The following TPM2 variants were observed in gnomAD, a reference collection of about 807,000 sequenced individuals.
TPM2 encodes the protein tropomyosin beta chain.
A neutral mutation model predicts 41.0 loss-of-function variants in TPM2; 26 were observed. The ratio of observed to expected loss-of-function variants is 0.63; its 90% CI spans 0.46 to 0.88. The LOEUF (loss-of-function observed/expected upper bound fraction) is 0.88, where lower values mean the gene tolerates loss of function less well. Among genes scored for constraint, TPM2 ranks in the 40% least tolerant of loss-of-function variants. The probability of loss-of-function intolerance (pLI) is 0.00; values close to 1 mark genes in which losing one functional copy is unlikely to be tolerated. For synonymous variants in TPM2, 143 were observed against 139.3 expected (o/e 1.03, Z -0.19); for missense variants, 187 against 355.2 (o/e 0.53, Z 3.81).
rs1563932480 is a variant in TPM2 at position 35,689,767 on chromosome 9, GT to G, written c.50del (p.Asn17ThrfsTer34). ...CGGCCTGCTCGGCGCGGTCGATGGC[GT>G]TCTCCTTGTCCAGCTTCAGCATCTG... is the stretch of plus-strand genomic sequence containing the variant. Reference protein sequence around the residue: ...KMQMLKLDKENAIDRAEQAEA... With the variant: ...KMQMLKLDKEXAIDRAEQAEA... On this transcript the variant is annotated frameshift_variant, in exon 1 of 9. Transcript: ENST00000645482. LOFTEE classifies it high-confidence loss of function. The G allele has an allele frequency of 6.2e-7, 1 of 1,613,808 alleles. No individual in the cohort carries two copies. The highest frequency in any genetic ancestry group is 8.5e-7 in the Non-Finnish European group (1 of 1,179,746).
chr9:35,689,221 A>G lies in TPM2; in HGVS notation c.165T>C (p.Asp55=). Residue 55 remains aspartate (D), a synonymous_variant, in exon 2 of 9, where the codon GAT becomes GAC. Transcript: ENST00000645482. ...CGGATTCAGAATACTTTTCCACCTC[A>G]TCCTCTGTCCCCTTCAGCTTCTTCT... ...ALQKKLKGTE[D]EVEKYSESVK... is the part of the protein sequence containing the mutation. The G allele has an allele frequency of 1.2e-6, 2 of 1,613,832 alleles. No homozygotes were observed. Among genetic ancestry groups the G allele is most frequent in the Non-Finnish European group, 1.7e-6 (2 of 1,179,894 alleles).
downstream of TPM2, chr9:35,682,856 A>G: frequency 7.0e-7 from 1 of 1,435,932 alleles, no homozygotes; most frequent in Non-Finnish European, 9.3e-7. Flanking sequence ...AGTAAGTGCC[A>G]GGGTGTCAGG....
Position 35,685,532 on chromosome 9 carries a change from T to C in TPM2, c.394A>G (p.Asn132Asp). 1 of 1,614,184 alleles carries C rather than the reference T, an allele frequency of 6.2e-7. No homozygotes were observed. The highest frequency in any genetic ancestry group is 8.5e-7 in the Non-Finnish European group (1 of 1,180,020). Reference protein sequence around the residue: ...ESERGMKVIENRAMKDEEKME... With the variant: ...ESERGMKVIEDRAMKDEEKME... ...TTCTCCTCATCCTTCATGGCCCGGT[T>C]TTCGATGACCTTCATTCCTCTGAAA... The change falls in exon 4 of 9, where the codon AAC becomes GAC. Residue 132 changes from asparagine (N) to aspartate (D), a missense_variant. Coordinates refer to ENST00000645482, the MANE Select transcript of TPM2 (RefSeq NM_003289.4). This position sits in a 1 kb window ranked among gnomAD's most constrained non-coding sequence, Gnocchi z 5.0.
Position 35,684,327 on chromosome 9 carries a change from G to A in TPM2, c.703-12C>T. Reference sequence around the variant, plus strand: ...GCTCGGGTCTCAGCCTGGGGGTAAAGGCAGGATGGGAGAAATGGCAAAGAA... The same window carrying A: ...GCTCGGGTCTCAGCCTGGGGGTAAAAGCAGGATGGGAGAAATGGCAAAGAA... On this transcript the variant is annotated splice_polypyrimidine_tract_variant and intron_variant, in intron 7 of 8. Transcript: ENST00000645482. 6.2e-7 allele frequency: 1 copy of A among 1,614,130 alleles called. No individual in the cohort carries two copies. The highest frequency in any genetic ancestry group is 8.5e-7 in the Non-Finnish European group (1 of 1,180,016).
chr9:35,685,236 A>T lies in TPM2; in HGVS notation c.563+33T>A. ...CACTGTGTGGAAGGCCCCAGGGCCA[A>T]TGGGCTCACTTGTCACCCCCGGGTA... On this transcript the variant is annotated intron_variant, in intron 5 of 8. Transcript: ENST00000645482. This position sits in a 1 kb window ranked among gnomAD's most constrained non-coding sequence, Gnocchi z 5.0. 6.2e-7 allele frequency: 1 copy of T among 1,614,164 alleles called. No individual in the cohort carries two copies. Among genetic ancestry groups the T allele is most frequent in the Non-Finnish European group, 8.5e-7 (1 of 1,180,026 alleles).
At position 35,685,634 on chromosome 9, in the gene TPM2, G is replaced by A. The variant is rs763063209; in HGVS notation, c.374+13C>T. ...CTCCCTCCCGGACCATCCTCCCCGA[G>A]GCCCCTGACCACCTCTCGCTCTCAT... On this transcript the variant is annotated intron_variant, in intron 3 of 8. Transcript: ENST00000645482. The surrounding 1 kb of genome is among the most constrained non-coding windows in gnomAD (Gnocchi z 5.0). The A allele has an allele frequency of 1.2e-6, 2 of 1,614,110 alleles. No individual in the cohort carries two copies. The highest frequency in any genetic ancestry group is 1.7e-5 in the Admixed American group (1 of 60,014).
chr9:35,683,002 A>G lies in TPM2; in HGVS notation c.*157T>C. The G allele has an allele frequency of 6.5e-7, 1 of 1,539,966 alleles. No individual in the cohort carries two copies. The highest frequency in any genetic ancestry group is 8.8e-7 in the Non-Finnish European group (1 of 1,140,574). ...AGGTAAAGGATGAAGCCAGTGCCAG[A>G]GTGGGTGGTGGGCATGATGGGGGCT... On this transcript the variant is annotated 3_prime_UTR_variant, in exon 9 of 9. Coordinates refer to ENST00000645482, the MANE Select transcript of TPM2 (RefSeq NM_003289.4).
intron 1 of TPM2, 129 bp from the exon 2 acceptor site, chr9:35,689,400 ACAG>A: frequency 6.7e-7 from 1 of 1,495,230 alleles, no homozygotes; most frequent in Non-Finnish European, 8.9e-7. Context: ...CATAAAAGGG[ACAG>A]TACAGTCAAG....
At chr9:35,682,895 G>A (rs1325300729), downstream of TPM2, 1 of 1,484,836 alleles carries the variant, frequency 6.7e-7, no homozygotes, top group African/African-American at 1.4e-5. Flanking sequence ...GGTGGCGATA[G>A]AGGTGCTCTC....
downstream of TPM2, chr9:35,682,501 C>T: frequency 7.8e-7 from 1 of 1,278,434 alleles, no homozygotes; most frequent in South Asian, 1.5e-5. Context: ...GCCAGACAGA[C>T]AGACTTGAGG....
rs1298809379 is a variant in TPM2, at chr9:35,683,004, TG to T, written c.*154del. On this transcript the variant is annotated 3_prime_UTR_variant, in exon 9 of 9. Coordinates refer to ENST00000645482, the MANE Select transcript of TPM2 (RefSeq NM_003289.4). Reference sequence around the variant, plus strand: ...GTAAAGGATGAAGCCAGTGCCAGAGTGGGTGGTGGGCATGATGGGGGCTCTC... The same window carrying T: ...GTAAAGGATGAAGCCAGTGCCAGAGTGGTGGTGGGCATGATGGGGGCTCTC... The T allele has an allele frequency of 3.8e-5, 59 of 1,537,516 alleles. No homozygotes were observed. The highest frequency in any genetic ancestry group is 4.8e-5 in the Non-Finnish European group (55 of 1,139,408).
rs747889730 is a variant in TPM2 at position 35,689,135 on chromosome 9, T to A, written c.240+11A>T. 4 of 1,614,028 alleles carry A rather than the reference T, an allele frequency of 2.5e-6. No individual in the cohort carries two copies. Among genetic ancestry groups the A allele is most frequent in the Non-Finnish European group, 3.4e-6 (4 of 1,180,002 alleles). On this transcript the variant is annotated intron_variant, in intron 2 of 8. Coordinates refer to ENST00000645482, the MANE Select transcript of TPM2 (RefSeq NM_003289.4). ...CTAACTCCTCCCATTGTCCCCCAAG[T>A]CCACACTCACATCAGTGGCCTTCTT...
chr9:35,685,536 G>C lies in TPM2; in HGVS notation c.390C>G (p.Ile130Met), dbSNP rs1260827428. The C allele has an allele frequency of 6.2e-7, 1 of 1,614,006 alleles. No homozygotes were observed. Among genetic ancestry groups the C allele is most frequent in the Admixed American group, 1.7e-5 (1 of 59,998 alleles). ...ADESERGMKVIENRAMKDEEK... is the reference protein window; with the variant it reads ...ADESERGMKVMENRAMKDEEK... ...CCTCATCCTTCATGGCCCGGTTTTC[G>C]ATGACCTTCATTCCTCTGAAAGGCA... The change falls in exon 4 of 9, where the codon ATC becomes ATG. Residue 130 changes from isoleucine to methionine, a missense_variant. Physicochemically the swap from Ile to Met is conservative, Grantham distance 10. Transcript: ENST00000645482. This position sits in a 1 kb window ranked among gnomAD's most constrained non-coding sequence, Gnocchi z 5.0.
rs756328776 is a variant in TPM2 at position 35,683,249 on chromosome 9, G to GC, written c.773-9_773-8insG. ...TCTGGGCATAGACTTCATCTGGGGG[G>GC]GGTCCAGGGAGGGGACCAGGTGGGA... On this transcript the variant is annotated splice_polypyrimidine_tract_variant and intron_variant, in intron 8 of 8. Transcript: ENST00000645482. 20 of 1,552,500 alleles carry GC rather than the reference G, an allele frequency of 1.3e-5. 1 individual carries two copies. In the East Asian group the frequency reaches 2.7e-4, roughly 21 times the overall value.
rs1824825707 is a variant in TPM2 at position 35,685,193 on chromosome 9, C to A, written c.563+76G>T. ...CAGGGCCTGTCCCTACAGCCCCAAG[C>A]CTAGGATGCTACCTTCCCACTGTGT... On this transcript the variant is annotated intron_variant, in intron 5 of 8. Transcript: ENST00000645482. The surrounding 1 kb of genome is among the most constrained non-coding windows in gnomAD (Gnocchi z 5.0). 1 of 1,614,118 alleles carries A rather than the reference C, an allele frequency of 6.2e-7. No homozygotes were observed. Among genetic ancestry groups the A allele is most frequent in the Non-Finnish European group, 8.5e-7 (1 of 1,180,008 alleles).
chr9:35,685,248 G>C lies in TPM2; in HGVS notation c.563+21C>G. On this transcript the variant is annotated intron_variant, in intron 5 of 8. Coordinates refer to ENST00000645482, the MANE Select transcript of TPM2 (RefSeq NM_003289.4). The surrounding 1 kb of genome is among the most constrained non-coding windows in gnomAD (Gnocchi z 5.0). Reference sequence around the variant, plus strand: ...GGCCCCAGGGCCAATGGGCTCACTTGTCACCCCCGGGTATCTTTACCTCTC... The same window carrying C: ...GGCCCCAGGGCCAATGGGCTCACTTCTCACCCCCGGGTATCTTTACCTCTC... The C allele has an allele frequency of 6.2e-7, 1 of 1,614,172 alleles. No homozygotes were observed. Among genetic ancestry groups the C allele is most frequent in the South Asian group, 1.1e-5 (1 of 91,088 alleles).
At position 35,682,957 on chromosome 9, in the gene TPM2, AAAG is replaced by A; in HGVS notation, c.*199_*201del. On this transcript the variant is annotated 3_prime_UTR_variant, in exon 9 of 9. Coordinates refer to ENST00000645482, the MANE Select transcript of TPM2 (RefSeq NM_003289.4). ...CCAAGTTCAGAATTTATTAAGCAGC[AAAG>A]GAGGGTGGAAGGGGATAGGTAAAGG... The A allele has an allele frequency of 3.3e-6, 5 of 1,514,630 alleles. No homozygotes were observed. Among genetic ancestry groups the A allele is most frequent in the Non-Finnish European group, 3.5e-6 (4 of 1,127,170 alleles). 93.8% of individuals were successfully genotyped at this position (1,514,630 alleles called of 1,614,324 possible).
intron 1 of TPM2, 130 bp downstream of exon 1, chr9:35,689,574 C>T: frequency 1.3e-6 from 2 of 1,531,092 alleles, no homozygotes; most frequent in Non-Finnish European, 1.8e-6. Flanking sequence ...GAGGGTACTG[C>T]GAAGGCCCAG....
At chr9:35,684,957 T>C (rs909797379) in intron 5 of TPM2, 150 bp from the exon 6 acceptor site, 11 of 1,612,182 alleles carry the variant, frequency 6.8e-6, no homozygotes, top group African/African-American at 2.7e-5. Context: ...CCCCAGGCCC[T>C]TCCTGATCCC....
Sources: allele counts gnomAD v4.1 joint callset, GRCh38; gene constraint gnomAD v4.1.1; non-coding constraint Gnocchi (gnomAD v3.1); transcripts MANE v1.5; gene names NCBI Gene and HGNC (gene_info 2026-07-23, HGNC 2026-07-21).